TRPM1: variants seen among roughly 807,000 people sequenced by gnomAD.
TRPM1 encodes the protein TRPM1-203 APA Isoform, Intron 10.
TRPM1 carries 113 observed loss-of-function variants against 149.4 expected under a neutral mutation model. The ratio of observed to expected loss-of-function variants is 0.76; its 90% CI spans 0.65 to 0.88. The LOEUF is 0.88. Among genes scored for constraint, TRPM1 ranks in the 40% least tolerant of loss-of-function variants. TRPM1 has a pLI of 0.00. For missense variants in TRPM1, 1,976 were observed against 2,038.7 expected (o/e 0.97, Z 0.59); for synonymous variants, 741 against 759.5 (o/e 0.98, Z 0.40).
At chr15:31,057,910 C>T (rs570116860) in intron 11 of TRPM1, among the ~76,000 whole-genome samples, 33 of 152,298 alleles carry the variant, frequency 2.2e-4, no homozygotes, top group Middle Eastern at 3.4e-3. Flanking sequence ...GCTCTTTTCT[C>T]TCTCTCATGG....
chr15:31,097,544 T>C (rs1160681846), intron 1 of TRPM1, among the ~76,000 whole-genome samples: 2 of 152,172 alleles, frequency 1.3e-5, no homozygotes, highest in African/African-American at 4.8e-5. Context: ...TTAAGCTAAG[T>C]GAAAAATTGG....
chr15:31,145,809 T>C (rs761169444), intron 1 of TRPM1, among the ~76,000 whole-genome samples: 1 of 152,038 alleles, frequency 6.6e-6, no homozygotes, highest in Non-Finnish European at 1.5e-5. Context: ...TGATTTTAGT[T>C]GGTTTGGTTA....
At chr15:31,160,764 C>A (rs1220039202) in intron 1 of TRPM1, 1 of 837,260 alleles carries the variant, frequency 1.2e-6, no homozygotes, top group South Asian at 1.6e-5. Context: ...GAGCTCTGAA[C>A]ACCCCATGCC....
At chr15:31,029,961 T>C (rs2032991873) in intron 23 of TRPM1, among the ~76,000 whole-genome samples, 1 of 152,244 alleles carries the variant, frequency 6.6e-6, no homozygotes, top group Non-Finnish European at 1.5e-5. Context: ...TTAACGTGTA[T>C]GTATATCTAC....
chr15:31,035,751 AGG>A, intron 20 of TRPM1, 77 bp from the exon 21 acceptor site: 1 of 1,596,492 alleles, frequency 6.3e-7, no homozygotes, highest in African/African-American at 1.3e-5. Context: ...GTTTTCTTTC[AGG>A]TTGACACATC....
chr15:31,010,211 C>T (rs1194544422), intron 27 of TRPM1, among the ~76,000 whole-genome samples: 1 of 152,180 alleles, frequency 6.6e-6, no homozygotes, highest in African/African-American at 2.4e-5. Flanking sequence ...TGGTTAGTTT[C>T]AGGCTGCAAG....
Position 31,062,687 on chromosome 15 carries a change from G to T in TRPM1, c.981C>A (p.Ser327=), listed in dbSNP as rs1445822007. 1.2e-6 allele frequency: 2 copies of T among 1,613,696 alleles called. No individual in the cohort carries two copies. Among genetic ancestry groups the T allele is most frequent in the African/African-American group, 2.7e-5 (2 of 74,816 alleles). ...TGGTAACTAGAAGCTGCTCCCTGAG[G>T]GACTCATTTATTATTCTGTTCAAAG... The part of the protein sequence containing the change: ...YCEEGGIINE[S]LREQLLVTIQ... The change falls in exon 9 of 28, where the codon TCC becomes TCA. Residue 327 remains serine (S), a synonymous_variant. Transcript: ENST00000256552.
chr15:31,066,634 C>T (rs1416122118), intron 6 of TRPM1, among the ~76,000 whole-genome samples: 2 of 152,004 alleles, frequency 1.3e-5, no homozygotes, highest in Non-Finnish European at 2.9e-5. Flanking sequence ...GAATGAAGAC[C>T]AATACATATG....
At chr15:31,046,323 C>G in intron 15 of TRPM1, 90 bp from the exon 16 acceptor site, 1 of 1,267,134 alleles carries the variant, frequency 7.9e-7, no homozygotes, top group Non-Finnish European at 1.1e-6. Context: ...AGTGGACATA[C>G]GAATGGATTA....
At chr15:31,138,224 C>A (rs1328298701) in intron 1 of TRPM1, among the ~76,000 whole-genome samples, 1 of 152,008 alleles carries the variant, frequency 6.6e-6, no homozygotes, top group African/African-American at 2.4e-5. Context: ...GAAAGGGGGC[C>A]GCCCTCACAA....
chr15:31,106,446 A>C (rs187766401), upstream of TRPM1, among the ~76,000 whole-genome samples: 13 of 152,208 alleles, frequency 8.5e-5, no homozygotes, highest in Admixed American at 2.0e-4. Flanking sequence ...GCCACAAGTA[A>C]ACTTAAAAAA....
chr15:31,072,016 T>G (rs201297691), intron 3 of TRPM1, among the ~76,000 whole-genome samples: 8,060 of 29,442 alleles, frequency 0.27, 425 homozygotes, highest in East Asian at 0.31. Context: ...TATATATATA[T>G]ATAGAGAGAG....
At chr15:31,017,987 G>A (rs1490057547) in intron 27 of TRPM1, among the ~76,000 whole-genome samples, 3 of 152,160 alleles carry the variant, frequency 2.0e-5, no homozygotes, top group African/African-American at 4.8e-5. Context: ...AACATCTGGA[G>A]TTCTGTAGTA....
intron 1 of TRPM1, among the ~76,000 whole-genome samples, chr15:31,126,861 G>A (rs1356339813): frequency 2.6e-5 from 4 of 152,166 alleles, no homozygotes; most frequent in African/African-American, 9.7e-5. Context: ...TAGCTACTCA[G>A]GAGGCTGAGG....
chr15:31,061,660 T>G (rs2140954595), intron 9 of TRPM1, 146 bp from the exon 10 acceptor site: 3 of 714,026 alleles, frequency 4.2e-6, no homozygotes, highest in Non-Finnish European at 7.2e-6. Flanking sequence ...GTTGATTTCT[T>G]TTTTTTCTTT....
At chr15:31,120,432 A>T (rs1222669073) in intron 1 of TRPM1, among the ~76,000 whole-genome samples, 3 of 152,262 alleles carry the variant, frequency 2.0e-5, no homozygotes, top group African/African-American at 7.2e-5. Flanking sequence ...AAGGAGAAAT[A>T]TAAAAATCCA....
At chr15:31,077,083 C>T (rs1427627718) in intron 2 of TRPM1, 99 bp from the exon 3 acceptor site, 2 of 777,934 alleles carry the variant, frequency 2.6e-6, no homozygotes, top group African/African-American at 3.4e-5. Flanking sequence ...CTGCCCACAA[C>T]ATCTGAATAG....
chr15:31,047,498 C>T (rs1279055283), intron 14 of TRPM1, among the ~76,000 whole-genome samples: 2 of 152,190 alleles, frequency 1.3e-5, no homozygotes, highest in African/African-American at 4.8e-5. Context: ...AACCTCCTGC[C>T]GGTGCTTCTG....
intron 1 of TRPM1, among the ~76,000 whole-genome samples, chr15:31,115,590 T>C (rs1225467299): frequency 1.3e-5 from 2 of 152,090 alleles, no homozygotes; most frequent in Non-Finnish European, 2.9e-5. Flanking sequence ...AGATGGCCAA[T>C]CTTAGGGTAC....
Sources: gnomAD v4.1 joint callset for allele counts (sites outside exome capture counted in the v4.1 genomes callset) on GRCh38, gnomAD v4.1.1 for gene constraint, MANE v1.5 for transcripts, NCBI Gene and HGNC (gene_info 2026-07-23, HGNC 2026-07-21) for gene names.